The following DPP8 variants were observed in gnomAD, a reference collection of about 807,000 sequenced individuals.
DPP8 encodes the protein dipeptidyl peptidase 8.
Under a neutral mutation model 107.5 loss-of-function variants are expected in DPP8, and 31 were observed. The ratio of observed to expected loss-of-function variants is 0.29; its 90% CI spans 0.22 to 0.39. The LOEUF (loss-of-function observed/expected upper bound fraction) is 0.39, where lower values mean the gene tolerates loss of function less well. Among genes scored for constraint, DPP8 ranks in the 10% least tolerant of loss-of-function variants. The pLI is 1.00. For missense variants in DPP8, 842 were observed against 1,076.1 expected (o/e 0.78, Z 3.04); for synonymous variants, 381 against 356.6 (o/e 1.07, Z -0.77).
intron 5 of DPP8, among the ~76,000 whole-genome samples, chr15:65,491,108 A>G (rs1460905009): frequency 2.7e-5 from 4 of 150,540 alleles, no homozygotes; most frequent in Non-Finnish European, 5.9e-5. Flanking sequence ...CACTGAGCCA[A>G]GATCACAACA....
At chr15:65,488,227 T>C (rs1467068701) in intron 6 of DPP8, among the ~76,000 whole-genome samples, 1 of 152,182 alleles carries the variant, frequency 6.6e-6, no homozygotes, top group African/African-American at 2.4e-5. Flanking sequence ...AATCATCTTC[T>C]AACAAATACA....
At chr15:65,510,023 AAAAAAAC>A (rs551385264) in intron 2 of DPP8, among the ~76,000 whole-genome samples, 137 of 152,010 alleles carry the variant, frequency 9.0e-4, no homozygotes, top group African/African-American at 3.2e-3. Context: ...CGCCATCTCA[AAAAAAAC>A]AAAAAACAAA....
At chr15:65,463,646 A>G (rs1313008868) in intron 15 of DPP8, 115 bp downstream of exon 15, 4 of 889,622 alleles carry the variant, frequency 4.5e-6, no homozygotes, top group Non-Finnish European at 6.7e-6. Context: ...GGAGTCATTA[A>G]AAGCAAATGC....
intron 10 of DPP8, among the ~76,000 whole-genome samples, 166 bp from the exon 11 acceptor site, chr15:65,479,205 A>G (rs1255160188): frequency 6.6e-6 from 1 of 152,150 alleles, no homozygotes; most frequent in East Asian, 1.9e-4. Flanking sequence ...GGGCTTTCAG[A>G]TTTATTTTAC....
chr15:65,466,623 G>T, intron 14 of DPP8, 55 bp downstream of exon 14: 1 of 1,472,852 alleles, frequency 6.8e-7, no homozygotes, highest in Non-Finnish European at 9.5e-7. Flanking sequence ...CACACGTTTA[G>T]TGTACTAATA....
intron 1 of DPP8, chr15:65,515,902 C>A: frequency 1.8e-6 from 1 of 542,190 alleles, no homozygotes; most frequent in Non-Finnish European, 3.2e-6. Flanking sequence ...CAAAATATCA[C>A]TTTTTGGGGC....
At chr15:65,455,769 A>G in intron 16 of DPP8, 4 of 1,287,830 alleles carry the variant, frequency 3.1e-6, no homozygotes, top group Non-Finnish European at 4.0e-6. Context: ...CAAAAGGAAC[A>G]TCGGATTCTC....
intron 1 of DPP8, among the ~76,000 whole-genome samples, chr15:65,515,482 A>T (rs1212390132): frequency 1.3e-5 from 2 of 152,220 alleles, no homozygotes; most frequent in East Asian, 3.8e-4. Context: ...ATCTGTGCAG[A>T]TGTTTGGTAA....
At chr15:65,494,508 C>CA (rs1253727442) in intron 5 of DPP8, among the ~76,000 whole-genome samples, 6 of 150,850 alleles carry the variant, frequency 4.0e-5, no homozygotes, top group African/African-American at 1.2e-4. Flanking sequence ...CTCATCTCTA[C>CA]AAAAAAAATT....
intron 16 of DPP8, 81 bp downstream of exon 16, chr15:65,456,144 T>C (rs2064401490): frequency 6.7e-7 from 1 of 1,483,444 alleles, no homozygotes; most frequent in African/African-American, 1.4e-5. Flanking sequence ...TTCCCCCAAC[T>C]CTCTTTCAAG....
intron 8 of DPP8, among the ~76,000 whole-genome samples, chr15:65,482,091 G>A (rs1399102612): frequency 6.6e-6 from 1 of 151,992 alleles, no homozygotes; most frequent in African/African-American, 2.4e-5. Context: ...GGAATGCAGT[G>A]GCTTGATCAC....
intron 14 of DPP8, among the ~76,000 whole-genome samples, chr15:65,464,821 T>C (rs977398693): frequency 1.3e-5 from 2 of 152,206 alleles, no homozygotes; most frequent in African/African-American, 4.8e-5. Context: ...ACTATACAGA[T>C]ACTTTATGCT....
intron 7 of DPP8, 52 bp downstream of exon 7, chr15:65,487,638 C>T: frequency 6.4e-7 from 1 of 1,557,354 alleles, no homozygotes; most frequent in Non-Finnish European, 8.7e-7. Flanking sequence ...CAGAAAGAAT[C>T]TTATTTGGAA....
chr15:65,466,645 C>T (rs1331969273), intron 14 of DPP8, 33 bp downstream of exon 14: 1 of 1,591,588 alleles, frequency 6.3e-7, no homozygotes, highest in Non-Finnish European at 8.6e-7. Context: ...ATTAATCCTA[C>T]TTAACGTCAG....
intron 2 of DPP8, 177 bp downstream of exon 2, chr15:65,512,118 A>C: frequency 1.3e-6 from 1 of 748,916 alleles, no homozygotes; most frequent in East Asian, 2.7e-5. Flanking sequence ...CCTACAAGTA[A>C]AAATAAAGTT....
intron 15 of DPP8, among the ~76,000 whole-genome samples, chr15:65,457,504 C>T (rs1393437222): frequency 6.6e-6 from 1 of 151,922 alleles, no homozygotes; most frequent in Non-Finnish European, 1.5e-5. Flanking sequence ...GCTGGGACTA[C>T]AGGTGTGCAC....
intron 1 of DPP8, chr15:65,515,761 C>CCATCAA: frequency 6.9e-7 from 1 of 1,456,844 alleles, no homozygotes; most frequent in South Asian, 1.2e-5. Flanking sequence ...GCTCTTCTCA[C>CCATCAA]AGGAATCTTT....
chr15:65,464,009 A>G, intron 14 of DPP8, 103 bp from the exon 15 acceptor site: 1 of 789,540 alleles, frequency 1.3e-6, no homozygotes, highest in South Asian at 2.1e-5. Context: ...CGCCAACACA[A>G]ACTGACCACC....
chr15:65,492,082 C>T (rs891366077), intron 5 of DPP8, among the ~76,000 whole-genome samples: 36 of 151,244 alleles, frequency 2.4e-4, no homozygotes, highest in African/African-American at 8.5e-4. Context: ...TGGCTCACGC[C>T]TGTAATCCCA....
Sources: gnomAD v4.1 joint callset for allele counts (sites outside exome capture counted in the v4.1 genomes callset) on GRCh38, gnomAD v4.1.1 for gene constraint, MANE v1.5 for transcripts, NCBI Gene and HGNC (gene_info 2026-07-23, HGNC 2026-07-21) for gene names.